The following RASAL2 variants were observed in gnomAD, a reference collection of about 807,000 sequenced individuals.
RASAL2 encodes the protein RAS protein activator like 2, also known as ras GTPase-activating protein nGAP.
In RASAL2, 58 loss-of-function variants were observed where a neutral mutation model predicts 128.9. That is an observed-to-expected ratio of 0.45 (90% CI 0.36 to 0.56). RASAL2 has a LOEUF of 0.56. Ranked by LOEUF, RASAL2 falls within the 20% of genes least tolerant of loss-of-function variation. The pLI, the probability that RASAL2 is intolerant of heterozygous loss-of-function variation, is 0.00. For missense variants in RASAL2, 1,360 were observed against 1,601.6 expected (o/e 0.85, Z 2.57); for synonymous variants, 561 against 580.8 (o/e 0.97, Z 0.49).
intron 2 of RASAL2, among the ~76,000 whole-genome samples, chr1:178,298,411 A>G (rs1667612331): frequency 6.6e-6 from 1 of 152,198 alleles, no homozygotes; most frequent in Admixed American, 6.5e-5. Flanking sequence ...AAATGGGAGA[A>G]TTGGGGGTCC....
intron 5 of RASAL2, among the ~76,000 whole-genome samples, chr1:178,429,617 A>G (rs773796608): frequency 6.6e-6 from 1 of 152,044 alleles, no homozygotes; most frequent in Admixed American, 6.6e-5. Flanking sequence ...TTCATATCTC[A>G]TTGCCTATGT....
intron 3 of RASAL2, among the ~76,000 whole-genome samples, chr1:178,310,201 A>G (rs1668175424): frequency 6.6e-6 from 1 of 152,228 alleles, no homozygotes; most frequent in African/African-American, 2.4e-5. Context: ...ATATGTGAGT[A>G]GTGAAGGTTG....
At chr1:178,291,617 A>G (rs1667282785) in intron 2 of RASAL2, among the ~76,000 whole-genome samples, 2 of 152,242 alleles carry the variant, frequency 1.3e-5, no homozygotes. Context: ...ATTGCTTTAC[A>G]TTGCTTTACT....
chr1:178,332,463 C>T (rs1387829075), intron 3 of RASAL2, among the ~76,000 whole-genome samples: 1 of 151,962 alleles, frequency 6.6e-6, no homozygotes, highest in Non-Finnish European at 1.5e-5. Flanking sequence ...CGAGATTGCA[C>T]CACTGCACTC....
In RASAL2 at chr1:178,404,659, G is replaced by A. The variant is rs540351624; in HGVS notation, c.564+14453G>A. 8.7e-5 allele frequency among the ~76,000 whole-genome samples: 13 copies of A among 149,044 alleles called. No homozygotes were observed. The South Asian group carries it at 1.1e-3, about 12-fold the overall frequency. Reference sequence around the variant, plus strand: ...CTCCCAAAGTACTGGGATTACAGGCGTGAGCAACCGCACCTGGCCCCCCAA... The same window carrying A: ...CTCCCAAAGTACTGGGATTACAGGCATGAGCAACCGCACCTGGCCCCCCAA... On this transcript the variant is annotated intron_variant, in intron 4 of 17. Transcript: ENST00000367649.
At chr1:178,457,220 C>T (rs1048704452) in intron 13 of RASAL2, among the ~76,000 whole-genome samples, 9 of 152,200 alleles carry the variant, frequency 5.9e-5, no homozygotes, top group South Asian at 2.1e-4. Context: ...TGGAGAACCT[C>T]GGTTAAAACC....
intron 1 of RASAL2, among the ~76,000 whole-genome samples, chr1:178,095,649 T>G (rs2102206223): frequency 6.6e-6 from 1 of 152,358 alleles, no homozygotes; most frequent in Admixed American, 6.5e-5. Context: ...TACCTTATGT[T>G]TTTTTCTTTC....
intron 4 of RASAL2, among the ~76,000 whole-genome samples, chr1:178,406,809 A>G (rs1479902636): frequency 6.6e-6 from 1 of 151,364 alleles, no homozygotes; most frequent in Non-Finnish European, 1.5e-5. Context: ...TACCTGTAAT[A>G]TAATATGTAT....
At chr1:178,161,633 A>G (rs937670253) in intron 1 of RASAL2, among the ~76,000 whole-genome samples, 9 of 152,172 alleles carry the variant, frequency 5.9e-5, no homozygotes, top group South Asian at 2.1e-4. Flanking sequence ...ATGCCTAGGA[A>G]TGAAATGTCT....
chr1:178,293,235 A>G (rs539762711), intron 2 of RASAL2, among the ~76,000 whole-genome samples: 3 of 152,374 alleles, frequency 2.0e-5, no homozygotes, highest in Admixed American at 1.3e-4. Flanking sequence ...TTGATAAATA[A>G]CACAAGTAAA....
intron 4 of RASAL2, among the ~76,000 whole-genome samples, chr1:178,392,576 A>G (rs1571989221): frequency 6.6e-6 from 1 of 152,232 alleles, no homozygotes; most frequent in Non-Finnish European, 1.5e-5. Context: ...AAAACTGAAC[A>G]AAGTGGCATG....
In RASAL2 at chr1:178,249,669, C is replaced by T. The variant is rs1227059909; in HGVS notation, c.203-33895C>T. ...TTTTGCTCTGGTTTTTCCTCATTTTCGTGGATTTATCTACCTTTGATCTTT... is the reference window on the plus strand; with the variant it reads ...TTTTGCTCTGGTTTTTCCTCATTTTTGTGGATTTATCTACCTTTGATCTTT... On this transcript the variant is annotated intron_variant, in intron 1 of 17. Transcript: ENST00000367649. Among the ~76,000 whole-genome samples the T allele has an allele frequency of 2.6e-5, 4 of 152,164 alleles. No individual in the cohort carries two copies. In the East Asian group the frequency reaches 7.8e-4, roughly 30 times the overall value.
chr1:178,215,753 G>A (rs1048746732), intron 1 of RASAL2, among the ~76,000 whole-genome samples: 1 of 152,094 alleles, frequency 6.6e-6, no homozygotes, highest in African/African-American at 2.4e-5. Context: ...CAATTTAGGG[G>A]TAATTTCATT....
intron 17 of RASAL2, among the ~76,000 whole-genome samples, chr1:178,471,339 C>T (rs1648247533): frequency 6.6e-6 from 1 of 152,042 alleles, no homozygotes; most frequent in African/African-American, 2.4e-5. Context: ...CAGTTCTTAC[C>T]TATTGGCTTT....
intron 3 of RASAL2, among the ~76,000 whole-genome samples, chr1:178,331,370 A>G (rs1424035484): frequency 2.0e-5 from 3 of 152,096 alleles, no homozygotes; most frequent in African/African-American, 7.2e-5. Context: ...GTGTCCTATG[A>G]CATTGTCAGT....
In RASAL2 at chr1:178,477,385, T is replaced by G. The variant is rs1275582661; in HGVS notation, c.*4146T>G. On this transcript the variant is annotated 3_prime_UTR_variant, in exon 18 of 18. Transcript: ENST00000367649. ...GAATCTCTTTTCATGTTTGAATGAT[T>G]GTTATTAGTTCTAGAAGCATTCTCT... 2.6e-5 allele frequency: 4 copies of G among 152,260 alleles called. No homozygotes were observed. The highest frequency in any genetic ancestry group is 9.6e-5 in the African/African-American group (4 of 41,466). The allele number at this position is 152,260 out of a possible 1,614,324, so 9.4% of individuals were successfully genotyped here.
chr1:178,387,502 C>T (rs1672649043), intron 3 of RASAL2, among the ~76,000 whole-genome samples: 1 of 152,028 alleles, frequency 6.6e-6, no homozygotes, highest in Non-Finnish European at 1.5e-5. Flanking sequence ...TTAGGTATAT[C>T]TCCTAATGTT....
chr1:178,134,835 G>A (rs971908927), intron 1 of RASAL2, among the ~76,000 whole-genome samples: 1 of 152,218 alleles, frequency 6.6e-6, no homozygotes, highest in Non-Finnish European at 1.5e-5. Flanking sequence ...CCAAGAGTTG[G>A]AAGTGAGAGC....
Position 178,286,708 on chromosome 1 carries a change from G to A in RASAL2, c.330+3017G>A, listed in dbSNP as rs115984394. On this transcript the variant is annotated intron_variant, in intron 2 of 17. Coordinates refer to ENST00000367649, the MANE Select transcript of RASAL2 (RefSeq NM_170692.4). ...ATTATAGGCGTGGGCCACCGTGCCCGGCCTGTAGTCATCTTCTAACCTTCC... is the reference window on the plus strand; with the variant it reads ...ATTATAGGCGTGGGCCACCGTGCCCAGCCTGTAGTCATCTTCTAACCTTCC... Among the ~76,000 whole-genome samples, 543 of 152,294 alleles carry A rather than the reference G, an allele frequency of 3.6e-3. 2 individuals carry two copies. Among genetic ancestry groups the A allele is most frequent in the Admixed American group, 7.6e-3 (116 of 15,302 alleles).
Sources: gnomAD v4.1 joint callset for allele counts (sites outside exome capture counted in the v4.1 genomes callset) on GRCh38, gnomAD v4.1.1 for gene constraint, MANE v1.5 for transcripts, NCBI Gene and HGNC (gene_info 2026-07-23, HGNC 2026-07-21) for gene names.